Variants in MYLK observed in about 807,000 individuals in gnomAD.
MYLK encodes the protein myosin light chain kinase, smooth muscle.
A neutral mutation model predicts 203.4 loss-of-function variants in MYLK; 106 were observed. That is an observed-to-expected ratio of 0.52 (90% confidence interval 0.45 to 0.61). MYLK has a LOEUF of 0.61. Among genes scored for constraint, MYLK ranks in the 20% least tolerant of loss-of-function variants. MYLK has a pLI of 0.00. For synonymous variants in MYLK, 867 were observed against 959.5 expected (o/e 0.90, Z 1.78); for missense variants, 2,072 against 2,442.3 (o/e 0.85, Z 3.20).
At chr3:123,720,849 C>T (rs1377791375) in intron 13 of MYLK, among the ~76,000 whole-genome samples, 1 of 152,188 alleles carries the variant, frequency 6.6e-6, no homozygotes, top group Non-Finnish European at 1.5e-5. Context: ...CCCTAAGGGA[C>T]TGACACTGCC....
intron 27 of MYLK, among the ~76,000 whole-genome samples, chr3:123,645,998 C>T (rs764892683): frequency 6.6e-6 from 1 of 152,076 alleles, no homozygotes; most frequent in African/African-American, 2.4e-5. Flanking sequence ...CAAAAATTAG[C>T]TGGGTGAGGT....
At chr3:123,654,217 C>T (rs983164905) in intron 24 of MYLK, among the ~76,000 whole-genome samples, 9 of 152,206 alleles carry the variant, frequency 5.9e-5, no homozygotes, top group African/African-American at 9.6e-5. Context: ...GGCCGCCTGA[C>T]ACACAGCTGC....
chr3:123,749,843 TTCCATTGCAC>T (rs1209205213), intron 5 of MYLK, among the ~76,000 whole-genome samples: 1 of 152,236 alleles, frequency 6.6e-6, no homozygotes. Context: ...TTGACTTTCT[TTCCATTGCAC>T]AACACTGCCT....
Position 123,700,622 on chromosome 3 carries a change from T to C in MYLK, c.2846A>G (p.Gln949Arg). 1 of 1,613,966 alleles carries C rather than the reference T, an allele frequency of 6.2e-7. No individual in the cohort carries two copies. Among genetic ancestry groups the C allele is most frequent in the Non-Finnish European group, 8.5e-7 (1 of 1,180,032 alleles). ...SEEERKVHSPQQVDFRSVLAK... is the reference protein window; with the variant it reads ...SEEERKVHSPRQVDFRSVLAK... ...CAGGACAGAGCGAAAATCGACCTGC[T>C]GGGGGCTGTGCACCTTCCTCTCTTC... The change falls in exon 18 of 34, where the codon CAG becomes CGG. Residue 949 changes from glutamine to arginine, a missense_variant. Physicochemically the swap from Gln to Arg is conservative, Grantham distance 43. Around this residue, in one of 3 missense-constraint regions of MYLK, gnomAD observed 865 missense variants for 1,016.0 expected, o/e 0.85. Transcript: ENST00000360304.
intron 20 of MYLK, among the ~76,000 whole-genome samples, chr3:123,674,230 C>G (rs1019678922): frequency 2.6e-5 from 4 of 152,184 alleles, no homozygotes; most frequent in African/African-American, 9.7e-5. Flanking sequence ...TGACAAATGC[C>G]TGTTGTCTAC....
At chr3:123,815,667 T>C (rs2065724958) in intron 3 of MYLK, among the ~76,000 whole-genome samples, 2 of 152,134 alleles carry the variant, frequency 1.3e-5, no homozygotes, top group Non-Finnish European at 2.9e-5. Flanking sequence ...AAGCACCCCA[T>C]CCATCACATC....
At chr3:123,631,961 C>A (rs1201013428) in intron 29 of MYLK, among the ~76,000 whole-genome samples, 1 of 151,940 alleles carries the variant, frequency 6.6e-6, no homozygotes, top group African/African-American at 2.4e-5. Flanking sequence ...GCTCTGCCCC[C>A]TGGGTTCATG....
chr3:123,721,758 A>G (rs1429250838), intron 13 of MYLK, among the ~76,000 whole-genome samples: 2 of 150,202 alleles, frequency 1.3e-5, no homozygotes, highest in African/African-American at 2.4e-5. Flanking sequence ...CCAGACCTGG[A>G]GCTTCTGGAG....
chr3:123,721,273 A>T (rs1332805963), intron 13 of MYLK, among the ~76,000 whole-genome samples: 1 of 152,110 alleles, frequency 6.6e-6, no homozygotes, highest in Non-Finnish European at 1.5e-5. Flanking sequence ...TGCTTGTCTG[A>T]TGGGAGACCA....
chr3:123,615,008 TCTCCCTATGTTGCCCAGG>T (rs1336682294), intron 33 of MYLK, among the ~76,000 whole-genome samples: 4 of 151,308 alleles, frequency 2.6e-5, no homozygotes, highest in African/African-American at 9.7e-5. Context: ...AAAGACAGGG[TCTCCCTATGTTGCCCAGG>T]CTGGTCTCAA....
intron 3 of MYLK, among the ~76,000 whole-genome samples, chr3:123,801,886 C>T (rs4677904): frequency 0.17 from 26,113 of 152,148 alleles, 2,850 homozygotes; most frequent in Non-Finnish European, 0.25. Flanking sequence ...CTGTGAAGAA[C>T]ATACAGATGT....
At chr3:123,634,783 G>A (rs72968588) in intron 29 of MYLK, among the ~76,000 whole-genome samples, 10,721 of 152,280 alleles carry the variant, frequency 0.07, 1,229 homozygotes, top group African/African-American at 0.24. Context: ...AGGGGAGGGA[G>A]ACAGCAGGGG....
chr3:123,853,900 A>G (rs184289671), intron 2 of MYLK, among the ~76,000 whole-genome samples: 22 of 152,148 alleles, frequency 1.4e-4, no homozygotes, highest in Non-Finnish European at 2.1e-4. Context: ...AGGCTTGGCA[A>G]TGTGACATGC....
intron 12 of MYLK, among the ~76,000 whole-genome samples, chr3:123,725,101 C>G (rs1254167402): frequency 6.6e-6 from 1 of 152,152 alleles, no homozygotes; most frequent in Admixed American, 6.5e-5. Context: ...GATCCCAAAC[C>G]TTCTTTTCCA....
chr3:123,877,980 T>C (rs1462013321), intron 1 of MYLK, among the ~76,000 whole-genome samples: 1 of 152,140 alleles, frequency 6.6e-6, no homozygotes, highest in Non-Finnish European at 1.5e-5. Context: ...GTGAGGTGAA[T>C]GAGTGGAAAG....
At chr3:123,638,486 G>T (rs2058724473) in intron 28 of MYLK, among the ~76,000 whole-genome samples, 1 of 152,306 alleles carries the variant, frequency 6.6e-6, no homozygotes, top group African/African-American at 2.4e-5. Context: ...TCTGTCTCAT[G>T]AGTTAGTTCC....
rs754438076 is a variant in MYLK at position 123,694,716 on chromosome 3, C to T, written c.3449-1865G>A. ...CAGAGAGTAGAGGGGCATGTGGACC[C>T]GGCCCCTGCCTCCTCTCCCAGGGCA... On this transcript the variant is annotated intron_variant, in intron 18 of 33. Transcript: ENST00000360304. Among the ~76,000 whole-genome samples, 7 of 152,202 alleles carry T rather than the reference C, an allele frequency of 4.6e-5. No individual in the cohort carries two copies. The South Asian group carries it at 1.0e-3, about 22-fold the overall frequency.
intron 3 of MYLK, among the ~76,000 whole-genome samples, chr3:123,823,312 C>G (rs1041346392): frequency 3.3e-5 from 5 of 152,180 alleles, no homozygotes; most frequent in African/African-American, 1.2e-4. Context: ...CCACTGACCT[C>G]CAGAATTTGA....
At chr3:123,746,758 A>T (rs1231642201) in intron 5 of MYLK, among the ~76,000 whole-genome samples, 1 of 152,174 alleles carries the variant, frequency 6.6e-6, no homozygotes, top group Non-Finnish European at 1.5e-5. Context: ...AACTTTAATG[A>T]GACAGAAAAG....
Sources: gnomAD v4.1 joint callset for allele counts (sites outside exome capture counted in the v4.1 genomes callset) on GRCh38, gnomAD v4.1.1 for gene constraint, gnomAD v4.1.1 regional missense constraint, MANE v1.5 for transcripts, NCBI Gene and HGNC (gene_info 2026-07-23, HGNC 2026-07-21) for gene names.